NCKAP5: variants seen among roughly 807,000 people sequenced by gnomAD.
NCKAP5 encodes the protein NCK associated protein 5.
A neutral mutation model predicts 167.0 loss-of-function variants in NCKAP5; 92 were observed. The observed-to-expected ratio is 0.55, with a 90% CI of 0.47 to 0.66. NCKAP5 has a LOEUF of 0.66. Among genes scored for constraint, NCKAP5 ranks in the 30% least tolerant of loss-of-function variants. The pLI is 0.00. For missense variants in NCKAP5, 2,378 were observed against 2,315.0 expected (o/e 1.03, Z -0.56); for synonymous variants, 891 against 877.4 (o/e 1.02, Z -0.27).
intron 6 of NCKAP5, among the ~76,000 whole-genome samples, chr2:133,038,503 T>A (rs943006627): frequency 6.6e-6 from 1 of 152,028 alleles, no homozygotes; most frequent in Non-Finnish European, 1.5e-5. Flanking sequence ...AGGGTGGGGA[T>A]GGTTAACATG....
At chr2:133,161,343 C>CA (rs1235343895) in intron 5 of NCKAP5, among the ~76,000 whole-genome samples, 2 of 152,138 alleles carry the variant, frequency 1.3e-5, no homozygotes, top group African/African-American at 4.8e-5. Context: ...CAGTGTTCTA[C>CA]AGCCAGCACA....
intron 3 of NCKAP5, among the ~76,000 whole-genome samples, chr2:133,393,876 A>C (rs1687576203): frequency 6.6e-6 from 1 of 152,248 alleles, no homozygotes; most frequent in Non-Finnish European, 1.5e-5. Flanking sequence ...GTTAGGAAGG[A>C]ATCAAGAAGC....
At chr2:132,681,703 T>C (rs1685257237) in intron 19 of NCKAP5, among the ~76,000 whole-genome samples, 1 of 152,206 alleles carries the variant, frequency 6.6e-6, no homozygotes, top group African/African-American at 2.4e-5. Flanking sequence ...GAATTATACC[T>C]GAAATTGCTA....
chr2:133,264,197 G>A (rs1368916046), intron 4 of NCKAP5, among the ~76,000 whole-genome samples: 1 of 152,148 alleles, frequency 6.6e-6, no homozygotes, highest in African/African-American at 2.4e-5. Flanking sequence ...AGCTTCTTAT[G>A]AATTGTTTAT....
At chr2:133,024,114 G>A (rs1028739081) in intron 6 of NCKAP5, among the ~76,000 whole-genome samples, 1 of 152,288 alleles carries the variant, frequency 6.6e-6, no homozygotes, top group South Asian at 2.1e-4. Context: ...AAATAGAATT[G>A]TGTGTACTTC....
chr2:133,619,294 TA>T, the NCKAP5 span, among the ~76,000 whole-genome samples: 1 of 150,812 alleles, frequency 6.6e-6, no homozygotes, highest in Non-Finnish European at 1.5e-5. Flanking sequence ...ACCCTAAACT[TA>T]AAGTATAATA....
intron 7 of NCKAP5, among the ~76,000 whole-genome samples, chr2:132,979,975 T>C (rs1049195292): frequency 6.8e-6 from 1 of 146,730 alleles, no homozygotes; most frequent in African/African-American, 2.6e-5. Flanking sequence ...TGATTTTTTT[T>C]TTCTTTTTCT....
chr2:132,865,270 C>T (rs1690251407), intron 10 of NCKAP5, among the ~76,000 whole-genome samples: 1 of 152,122 alleles, frequency 6.6e-6, no homozygotes, highest in South Asian at 2.1e-4. Flanking sequence ...AGTCCTGTGG[C>T]AAAATACATA....
the NCKAP5 span, among the ~76,000 whole-genome samples, chr2:133,623,343 T>C: frequency 1.7e-4 from 26 of 152,070 alleles, no homozygotes; most frequent in African/African-American, 6.3e-4. Flanking sequence ...GCAAAAGAAA[T>C]AATGAGCATG....
At chr2:132,847,730 T>C (rs1688770980) in intron 11 of NCKAP5, among the ~76,000 whole-genome samples, 1 of 152,202 alleles carries the variant, frequency 6.6e-6, no homozygotes, top group South Asian at 2.1e-4. Context: ...GAAGAACTCC[T>C]GATACAAGCA....
At chr2:132,834,853 G>T (rs1204201784) in intron 11 of NCKAP5, among the ~76,000 whole-genome samples, 1 of 152,122 alleles carries the variant, frequency 6.6e-6, no homozygotes, top group African/African-American at 2.4e-5. Flanking sequence ...GTACTATGTT[G>T]AATAGGAGTT....
rs1163828165 is a variant in NCKAP5 at position 132,924,171 on chromosome 2, T to C, written c.579+39549A>G. ...TTTTACAGTCCTGAAAATGCTATGCTACAGAAGAGACATTCTGCGAGTGAA... is the reference window on the plus strand; with the variant it reads ...TTTTACAGTCCTGAAAATGCTATGCCACAGAAGAGACATTCTGCGAGTGAA... On this transcript the variant is annotated intron_variant, in intron 8 of 19. Transcript: ENST00000409261. Among the ~76,000 whole-genome samples the C allele has an allele frequency of 2.0e-5, 3 of 152,176 alleles. No homozygotes were observed. In the East Asian group the frequency reaches 5.8e-4, roughly 29 times the overall value.
At chr2:133,193,941 G>A (rs1208346813) in intron 5 of NCKAP5, among the ~76,000 whole-genome samples, 4 of 152,118 alleles carry the variant, frequency 2.6e-5, no homozygotes, top group Admixed American at 2.6e-4. Context: ...CAAACAAATT[G>A]GATCAGCGGC....
chr2:133,573,126 G>A (rs1008415930), upstream of NCKAP5, among the ~76,000 whole-genome samples: 3 of 152,162 alleles, frequency 2.0e-5, no homozygotes, highest in African/African-American at 7.2e-5. Context: ...CGCATAGTGG[G>A]ATAAAGACAT....
chr2:133,440,770 T>C (rs72846359), intron 3 of NCKAP5, among the ~76,000 whole-genome samples: 27,073 of 145,906 alleles, frequency 0.19, 2,666 homozygotes, highest in African/African-American at 0.24. Context: ...CAATGGAGTA[T>C]GGTGCTCATT....
intron 5 of NCKAP5, among the ~76,000 whole-genome samples, chr2:133,132,748 C>G (rs991422783): frequency 1.3e-5 from 2 of 150,742 alleles, no homozygotes; most frequent in Non-Finnish European, 1.5e-5. Context: ...GCGATCTCAG[C>G]TCACTGCAAG....
At chr2:133,594,679 C>T in the NCKAP5 span, among the ~76,000 whole-genome samples, 4 of 152,190 alleles carry the variant, frequency 2.6e-5, no homozygotes, top group Admixed American at 2.0e-4. Context: ...ATTCCTCTTA[C>T]CTGCCTTTTC....
chr2:133,317,227 C>G (rs1013022741), intron 3 of NCKAP5, among the ~76,000 whole-genome samples: 1 of 151,974 alleles, frequency 6.6e-6, no homozygotes, highest in African/African-American at 2.4e-5. Context: ...ACAAAAGCTG[C>G]AAAACCAGAA....
chr2:133,271,653 C>A (rs2089516675), intron 4 of NCKAP5, among the ~76,000 whole-genome samples: 1 of 152,106 alleles, frequency 6.6e-6, no homozygotes, highest in African/African-American at 2.4e-5. Context: ...GAGGCACTAT[C>A]ATAGATTGAA....
Sources: gnomAD v4.1 joint callset for allele counts (sites outside exome capture counted in the v4.1 genomes callset) on GRCh38, gnomAD v4.1.1 for gene constraint, MANE v1.5 for transcripts, NCBI Gene and HGNC (gene_info 2026-07-23, HGNC 2026-07-21) for gene names.